Variants in SWT1 observed in about 807,000 individuals in gnomAD.
The protein encoded by SWT1 is transcriptional protein SWT1.
Under a neutral mutation model 107.3 loss-of-function variants are expected in SWT1, and 33 were observed. The ratio of observed to expected loss-of-function variants is 0.31; its 90% confidence interval spans 0.23 to 0.41. SWT1 has a LOEUF of 0.41. SWT1 is among the 10% of genes least tolerant of loss of function. SWT1 has a pLI of 1.00. For synonymous variants in SWT1, 345 were observed against 348.3 expected (o/e 0.99, Z 0.11); for missense variants, 898 against 1,028.9 (o/e 0.87, Z 1.74).
intron 2 of SWT1, among the ~76,000 whole-genome samples, chr1:185,164,958 C>T (rs1654449810): frequency 6.6e-6 from 1 of 152,190 alleles, no homozygotes; most frequent in South Asian, 2.1e-4. Context: ...TTTGACATAC[C>T]TTCCTCAGTA....
At chr1:185,273,428 C>T (rs1312920364) in intron 17 of SWT1, among the ~76,000 whole-genome samples, 1 of 150,460 alleles carries the variant, frequency 6.6e-6, no homozygotes, top group African/African-American at 2.5e-5. Context: ...ATAGGCTGGG[C>T]GCGGTGGCTC....
At chr1:185,269,012 C>G (rs557164263) in intron 16 of SWT1, among the ~76,000 whole-genome samples, 31 of 152,098 alleles carry the variant, frequency 2.0e-4, no homozygotes, top group African/African-American at 7.5e-4. Flanking sequence ...GCCACTACGC[C>G]CGGCTAATTT....
At position 185,184,341 on chromosome 1, in the gene SWT1, C is replaced by G; in HGVS notation, c.1237C>G (p.Pro413Ala). The G allele has an allele frequency of 6.7e-7, 1 of 1,483,570 alleles. No individual in the cohort carries two copies. Among genetic ancestry groups the G allele is most frequent in the Non-Finnish European group, 9.3e-7 (1 of 1,074,932 alleles). The allele number at this position is 1,483,570 out of a possible 1,614,324, so 91.9% of individuals were successfully genotyped here. The part of the protein sequence containing the change: ...FVRILKTTEV[P>A]GFDKLVLIIP... Reference sequence around the variant, plus strand: ...TAGAATTTTGAAGACAACAGAAGTACCAGGTATTTACAGAACATATTTAAA... The same window carrying G: ...TAGAATTTTGAAGACAACAGAAGTAGCAGGTATTTACAGAACATATTTAAA... Residue 413 changes from proline to alanine, a missense_variant, in exon 8 of 19, where the codon CCA (proline) becomes GCA (alanine). Transcript: ENST00000367500.
At chr1:185,228,258 T>C (rs1660246808) in intron 15 of SWT1, among the ~76,000 whole-genome samples, 1 of 150,946 alleles carries the variant, frequency 6.6e-6, no homozygotes, top group Non-Finnish European at 1.5e-5. Context: ...CAGTGGTTCA[T>C]GCCCATAATC....
intron 16 of SWT1, among the ~76,000 whole-genome samples, chr1:185,251,063 TAGAAGTC>T (rs1661980740): frequency 1.3e-5 from 2 of 152,238 alleles, no homozygotes; most frequent in Non-Finnish European, 2.9e-5. Flanking sequence ...TTTATGGCTT[TAGAAGTC>T]AGTGATTTAA....
chr1:185,285,142 C>T (rs999526641), intron 18 of SWT1, among the ~76,000 whole-genome samples: 11 of 152,218 alleles, frequency 7.2e-5, no homozygotes, highest in African/African-American at 2.4e-4. Flanking sequence ...GCTTCTAGCC[C>T]TTCCTCCTCT....
In SWT1 at chr1:185,290,697, G is replaced by A. The variant is rs947485298; in HGVS notation, c.2597G>A (p.Arg866His). 18 of 1,576,410 alleles carry A rather than the reference G, an allele frequency of 1.1e-5. No individual in the cohort carries two copies. Among genetic ancestry groups the A allele is most frequent in the Middle Eastern group, 1.7e-4 (1 of 5,900 alleles). Residue 866 changes from arginine to histidine, a missense_variant, in exon 19 of 19, where the codon CGC (arginine) becomes CAC (histidine). Around this residue, in one of 6 missense-constraint regions of SWT1, gnomAD observed 382 missense variants for 460.0 expected, o/e 0.83. Transcript: ENST00000367500. ...EYREKLTIGC[R>H]QLVEMEYTMQ... ...AGGGAAAAGTTAACCATTGGATGCC[G>A]CCAGCTGGTTGAGATGGAATATACC... is the stretch of plus-strand genomic sequence containing the variant.
At chr1:185,229,512 T>C (rs964230803) in intron 15 of SWT1, among the ~76,000 whole-genome samples, 10 of 151,872 alleles carry the variant, frequency 6.6e-5, no homozygotes, top group Non-Finnish European at 1.5e-4. Context: ...AAAATTATAA[T>C]GGAAGTTTTT....
intron 13 of SWT1, among the ~76,000 whole-genome samples, chr1:185,210,724 G>C (rs1352838866): frequency 6.6e-6 from 1 of 152,126 alleles, no homozygotes; most frequent in South Asian, 2.1e-4. Context: ...AATAAATACA[G>C]TGTATTCAGT....
chr1:185,200,184 A>G (rs965332421), intron 10 of SWT1, among the ~76,000 whole-genome samples: 10 of 151,902 alleles, frequency 6.6e-5, no homozygotes, highest in Admixed American at 6.6e-4. Context: ...CCGTGCATTG[A>G]GTTAGAACAT....
At chr1:185,162,920 A>G (rs1428793289) in intron 2 of SWT1, among the ~76,000 whole-genome samples, 1 of 151,534 alleles carries the variant, frequency 6.6e-6, no homozygotes, top group Non-Finnish European at 1.5e-5. Context: ...GAATCGTGCC[A>G]CTGCACATCA....
chr1:185,278,473 A>G (rs1424684556), intron 18 of SWT1, among the ~76,000 whole-genome samples: 1 of 152,198 alleles, frequency 6.6e-6, no homozygotes, highest in Non-Finnish European at 1.5e-5. Context: ...ATATTTAATT[A>G]TGGCAGCCTG....
chr1:185,216,640 T>C (rs1659235979), intron 14 of SWT1, among the ~76,000 whole-genome samples: 2 of 152,144 alleles, frequency 1.3e-5, no homozygotes, highest in Admixed American at 6.6e-5. Flanking sequence ...ACGTATATGT[T>C]GCCCATTGCA....
At chr1:185,167,595 T>C (rs944439940) in intron 3 of SWT1, among the ~76,000 whole-genome samples, 1 of 152,264 alleles carries the variant, frequency 6.6e-6, no homozygotes, top group African/African-American at 2.4e-5. Flanking sequence ...ATTTCTCCTC[T>C]GCTGAAAATC....
intron 16 of SWT1, among the ~76,000 whole-genome samples, chr1:185,268,453 G>T (rs1228081900): frequency 6.6e-6 from 1 of 152,164 alleles, no homozygotes; most frequent in Admixed American, 6.5e-5. Flanking sequence ...ATCTCCCTGT[G>T]CCTGGTCAGG....
intron 16 of SWT1, among the ~76,000 whole-genome samples, chr1:185,262,882 A>G (rs1663124952): frequency 6.6e-6 from 1 of 151,184 alleles, no homozygotes; most frequent in Admixed American, 6.6e-5. Context: ...AACCTCCCCA[A>G]GCTCAGGTGA....
chr1:185,287,620 G>A (rs907672904), intron 18 of SWT1, among the ~76,000 whole-genome samples: 38 of 152,170 alleles, frequency 2.5e-4, no homozygotes, highest in African/African-American at 8.2e-4. Flanking sequence ...GAAAAGCTGA[G>A]GTCAGATGAC....
rs1656859140 is a variant in SWT1, at chr1:185,190,441, A to G, written c.1430-108A>G. The G allele has an allele frequency of 6.1e-6, 4 of 653,196 alleles. No individual in the cohort carries two copies. The Admixed American group carries it at 7.4e-5, about 12-fold the overall frequency. The allele number at this position is 653,196 out of a possible 1,614,324, so 40.5% of individuals were successfully genotyped here. A position where few individuals can be genotyped will look rare whatever the true frequency, so the allele number is the denominator to read the frequency against. On this transcript the variant is annotated intron_variant, in intron 9 of 18. Transcript: ENST00000367500. ...ACCATCATAGTATCATACCTTAACT[A>G]CCTTAAATCTCTTAGATATTTTTGT... is the stretch of plus-strand genomic sequence containing the variant.
chr1:185,227,034 T>A, intron 15 of SWT1: 1 of 925,734 alleles, frequency 1.1e-6, no homozygotes. Context: ...TTGAGAGAAC[T>A]GTTTCTTGTA....
Sources: allele counts gnomAD v4.1 joint callset (sites outside exome capture counted in the v4.1 genomes callset), GRCh38; gene constraint gnomAD v4.1.1; regional missense constraint gnomAD v4.1.1; transcripts MANE v1.5; gene names NCBI Gene and HGNC (gene_info 2026-07-23, HGNC 2026-07-21).